SP3: variants seen among roughly 807,000 people sequenced by gnomAD.
The protein encoded by SP3 is Sp3 transcription factor.
SP3 carries 10 observed loss-of-function variants against 70.3 expected under a neutral mutation model. The ratio of observed to expected loss-of-function variants is 0.14; its 90% CI spans 0.09 to 0.24. SP3 has a LOEUF of 0.24. SP3 is among the 10% of genes least tolerant of loss of function. The pLI, the probability that SP3 is intolerant of heterozygous loss-of-function variation, is 1.00. For missense variants in SP3, 825 were observed against 914.6 expected, an observed-to-expected ratio of 0.90 and a Z score of 1.26; for synonymous variants, 402 against 333.5, an observed-to-expected ratio of 1.21 and a Z score of -2.24.
intron 4 of SP3, among the ~76,000 whole-genome samples, chr2:173,925,744 T>C (rs1023599306): frequency 6.6e-6 from 1 of 152,200 alleles, no homozygotes; most frequent in Non-Finnish European, 1.5e-5. Flanking sequence ...CAATACTCTT[T>C]CCTAAGGCTC....
chr2:173,958,302 A>T (rs1690958370), intron 3 of SP3, among the ~76,000 whole-genome samples: 1 of 151,346 alleles, frequency 6.6e-6, no homozygotes, highest in Admixed American at 6.6e-5. Context: ...ATAGTAATAA[A>T]GGCAGATATT....
chr2:173,956,767 T>G (rs16862222), intron 3 of SP3, among the ~76,000 whole-genome samples: 5 of 152,148 alleles, frequency 3.3e-5, no homozygotes, highest in Non-Finnish European at 7.4e-5. Context: ...TTCCATGAAC[T>G]AATGAAAAAC....
intron 6 of SP3, among the ~76,000 whole-genome samples, chr2:173,912,816 TAAAGCATTC>T (rs1380375466): frequency 6.6e-6 from 1 of 152,186 alleles, no homozygotes; most frequent in Non-Finnish European, 1.5e-5. Flanking sequence ...AAATGTGGTT[TAAAGCATTC>T]AATAATGTCA....
chr2:173,928,077 T>C (rs186665273), intron 4 of SP3, among the ~76,000 whole-genome samples: 1 of 152,186 alleles, frequency 6.6e-6, no homozygotes, highest in Admixed American at 6.5e-5. Context: ...CAGGTTACCG[T>C]ACCCATCATC....
intron 4 of SP3, among the ~76,000 whole-genome samples, chr2:173,940,790 A>G (rs1690350187): frequency 6.6e-6 from 1 of 152,046 alleles, no homozygotes; most frequent in African/African-American, 2.4e-5. Context: ...ACTTCCTAAC[A>G]CCTGGCCCTC....
rs115931915 is a variant in SP3, at chr2:173,922,314, C to G, written c.1640-3529G>C. ...GGTTTTTTTTTTTTTAAATCCTGAG[C>G]AACTAGAAAGATGGAGTTGCCATTA... On this transcript the variant is annotated intron_variant, in intron 4 of 6. Transcript: ENST00000310015. Among the ~76,000 whole-genome samples the G allele has an allele frequency of 9.9e-3, 1,480 of 150,216 alleles. 35 individuals carry two copies. Among genetic ancestry groups the G allele is most frequent in the African/African-American group, 0.034 (1,407 of 40,832 alleles).
At chr2:173,911,130 A>G (rs1309543272) in intron 6 of SP3, among the ~76,000 whole-genome samples, 1 of 152,208 alleles carries the variant, frequency 6.6e-6, no homozygotes, top group Admixed American at 6.5e-5. Flanking sequence ...TCATGCTTGA[A>G]CTATACTGCA....
At chr2:173,953,601 G>C (rs1394351588) in intron 4 of SP3, among the ~76,000 whole-genome samples, 1 of 151,972 alleles carries the variant, frequency 6.6e-6, no homozygotes, top group Non-Finnish European at 1.5e-5. Context: ...ACAAAAATTA[G>C]CCGGATGTGG....
intron 6 of SP3, among the ~76,000 whole-genome samples, chr2:173,911,503 C>T (rs374048440): frequency 6.6e-6 from 1 of 152,210 alleles, no homozygotes; most frequent in African/African-American, 2.4e-5. Context: ...GCTACACACA[C>T]ATTACATCAC....
In SP3 at chr2:173,904,388, G is replaced by C. The variant is rs553643051; in HGVS notation, c.*5553C>G. Among the ~76,000 whole-genome samples, 33 of 152,256 alleles carry C rather than the reference G, an allele frequency of 2.2e-4. No individual in the cohort carries two copies. Among genetic ancestry groups the C allele is most frequent in the Non-Finnish European group, 4.3e-4 (29 of 68,004 alleles). The stretch of plus-strand genomic sequence containing the variant: ...TTGTCTTAGTTGGCATTATTTGGTA[G>C]CAAGTAACAGCCTTCTGACTTAAGA... On this transcript the variant is annotated 3_prime_UTR_variant, in exon 7 of 7. Transcript: ENST00000310015.
chr2:173,913,316 G>T, intron 5 of SP3, 50 bp from the exon 6 acceptor site: 1 of 1,285,788 alleles, frequency 7.8e-7, no homozygotes, highest in South Asian at 2.2e-5. Context: ...ATATTCAAAT[G>T]GACATTACCA....
intron 1 of SP3, chr2:173,964,943 G>T (rs1691244511): frequency 3.5e-6 from 2 of 575,912 alleles, no homozygotes; most frequent in East Asian, 6.9e-5. Flanking sequence ...CGGGCCGCCC[G>T]CCCCGGGGCC....
chr2:173,913,323 A>G, intron 5 of SP3, 57 bp from the exon 6 acceptor site: 1 of 1,221,512 alleles, frequency 8.2e-7, no homozygotes, highest in Non-Finnish European at 1.1e-6. Context: ...AATGGACATT[A>G]CCATTTACAT....
intron 4 of SP3, among the ~76,000 whole-genome samples, chr2:173,931,344 TTTGTTG>T (rs111299743): frequency 2.0e-5 from 3 of 151,254 alleles, no homozygotes; most frequent in Non-Finnish European, 4.4e-5. Flanking sequence ...GCCTGGCATT[TTTGTTG>T]TTGTTGTTTT....
chr2:173,913,030 T>TA, intron 6 of SP3, 40 bp downstream of exon 6: 1 of 1,458,722 alleles, frequency 6.9e-7, no homozygotes, highest in Non-Finnish European at 9.2e-7. Flanking sequence ...TATGTAGCCC[T>TA]ATAATTCATT....
chr2:173,911,689 G>A (rs1008700563), intron 6 of SP3, among the ~76,000 whole-genome samples: 8 of 151,956 alleles, frequency 5.3e-5, no homozygotes, highest in Admixed American at 2.6e-4. Context: ...ATCCTACTGA[G>A]GAAAATTCTG....
intron 4 of SP3, among the ~76,000 whole-genome samples, chr2:173,926,193 A>C (rs72911154): frequency 0.043 from 6,624 of 152,280 alleles, 190 homozygotes; most frequent in South Asian, 0.091. Context: ...CACAATGTCT[A>C]GTCTAACTTA....
intron 4 of SP3, among the ~76,000 whole-genome samples, chr2:173,921,454 C>G (rs187412925): frequency 6.6e-6 from 1 of 152,034 alleles, no homozygotes; most frequent in South Asian, 2.1e-4. Flanking sequence ...TTTGGGAGAC[C>G]GAAGCGGGAG....
intron 4 of SP3, among the ~76,000 whole-genome samples, chr2:173,952,296 T>C (rs1690732563): frequency 6.6e-6 from 1 of 152,136 alleles, no homozygotes; most frequent in African/African-American, 2.4e-5. Flanking sequence ...GCAGCAAAAA[T>C]GCTTTATTAA....
Sources: gnomAD v4.1 joint callset for allele counts (sites outside exome capture counted in the v4.1 genomes callset) on GRCh38, gnomAD v4.1.1 for gene constraint, MANE v1.5 for transcripts, NCBI Gene and HGNC (gene_info 2026-07-23, HGNC 2026-07-21) for gene names.